Variants in SEPTIN2 observed in about 807,000 individuals in gnomAD.
The protein encoded by SEPTIN2 is septin 2, also known as septin-2.
In SEPTIN2, 34 loss-of-function variants were observed where a neutral mutation model predicts 46.5. The observed-to-expected ratio is 0.73, with a 90% CI of 0.56 to 0.97. The LOEUF (loss-of-function observed/expected upper bound fraction) is 0.97. SEPTIN2 is among the 50% of genes least tolerant of loss of function. The pLI is 0.00. For synonymous variants in SEPTIN2, 175 were observed against 153.4 expected (o/e 1.14, Z -1.04); for missense variants, 347 against 448.4 (o/e 0.77, Z 2.04).
chr2:241,330,592 G>C (rs1002589943), intron 3 of SEPTIN2, among the ~76,000 whole-genome samples: 13 of 152,290 alleles, frequency 8.5e-5, no homozygotes, highest in Admixed American at 5.2e-4. Flanking sequence ...TGATTCTGTT[G>C]GATGCAGAAT....
At chr2:241,328,791 C>T (rs1371155801) in intron 3 of SEPTIN2, among the ~76,000 whole-genome samples, 1 of 149,976 alleles carries the variant, frequency 6.7e-6, no homozygotes, top group Non-Finnish European at 1.5e-5. Flanking sequence ...GGAGGCTAGG[C>T]GGGTGGATCA....
rs556485576 is a variant in SEPTIN2, at chr2:241,324,369, A to C, written c.9+128A>C. 578 of 784,404 alleles carry C rather than the reference A, an allele frequency of 7.4e-4. 1 individual carries two copies. The highest frequency in any genetic ancestry group is 1.1e-3 in the Non-Finnish European group (527 of 475,868). The allele number at this position is 784,404 out of a possible 1,614,324, so 48.6% of individuals were successfully genotyped here. A position where few individuals can be genotyped will look rare whatever the true frequency, so the allele number is the denominator to read the frequency against. On this transcript the variant is annotated intron_variant, in intron 2 of 12. Transcript: ENST00000391971. The stretch of plus-strand genomic sequence containing the variant: ...TGATACATTTGATTCATTAACACAA[A>C]GAGTTCTAATTTAGTTGTCTTTTTT...
intron 1 of SEPTIN2, among the ~76,000 whole-genome samples, chr2:241,321,911 ATCTGACCCTTC>A (rs1351763148): frequency 6.6e-6 from 1 of 152,152 alleles, no homozygotes; most frequent in Non-Finnish European, 1.5e-5. Context: ...TCTGTATTAC[ATCTGACCCTTC>A]TCTTTCCCTT....
At chr2:241,327,521 C>T (rs964087295) in intron 3 of SEPTIN2, among the ~76,000 whole-genome samples, 6 of 132,274 alleles carry the variant, frequency 4.5e-5, no homozygotes, top group African/African-American at 1.7e-4. Context: ...AAAAAAAAAA[C>T]ATGAAAAAAT....
chr2:241,333,519 T>G (rs2079375715), intron 3 of SEPTIN2, among the ~76,000 whole-genome samples: 2 of 152,248 alleles, frequency 1.3e-5, no homozygotes, highest in South Asian at 4.1e-4. Flanking sequence ...TTGTTTTGTT[T>G]TGTTTTTTGA....
intron 3 of SEPTIN2, among the ~76,000 whole-genome samples, chr2:241,326,868 G>A (rs184748780): frequency 1.2e-4 from 19 of 152,208 alleles, no homozygotes; most frequent in Non-Finnish European, 2.1e-4. Context: ...GCAGGCAGGA[G>A]TTGAAGATCA....
At chr2:241,343,167 G>C (rs569208483) in intron 8 of SEPTIN2, 74 bp downstream of exon 8, 31 of 848,852 alleles carry the variant, frequency 3.7e-5, no homozygotes, top group Non-Finnish European at 5.9e-5. Context: ...GAGAGAGATT[G>C]CCTGGGTATG....
intron 7 of SEPTIN2, among the ~76,000 whole-genome samples, chr2:241,340,021 A>C (rs1438249052): frequency 6.6e-6 from 1 of 152,180 alleles, no homozygotes; most frequent in Non-Finnish European, 1.5e-5. Flanking sequence ...CTATCTTTTC[A>C]CAATTGTGTG....
intron 1 of SEPTIN2, chr2:241,317,368 G>A (rs909423739): frequency 5.4e-6 from 1 of 184,998 alleles, no homozygotes; most frequent in Non-Finnish European, 1.0e-5. Context: ...AAGAACAAGA[G>A]CGTTTTAATT....
chr2:241,335,464 C>T (rs1559630547), intron 4 of SEPTIN2: 2 of 946,388 alleles, frequency 2.1e-6, no homozygotes, highest in East Asian at 2.6e-5. Flanking sequence ...GTAGTTTCTG[C>T]CTATATTAAA....
intron 1 of SEPTIN2, among the ~76,000 whole-genome samples, chr2:241,323,088 T>A (rs2077388621): frequency 6.6e-6 from 1 of 152,164 alleles, no homozygotes; most frequent in Non-Finnish European, 1.5e-5. Flanking sequence ...AGATTGGTGT[T>A]GAATTTTTGG....
At position 241,322,524 on chromosome 2, in the gene SEPTIN2, G is replaced by A. The variant is rs1297567932; in HGVS notation, c.-17-1692G>A. ...CGGGAGGCTGAGGCAGGAGAAGGGC[G>A]TGAACCCAGGAGGTGGAGGTTGCAG... On this transcript the variant is annotated intron_variant, in intron 1 of 12. Coordinates refer to ENST00000391971, the MANE Select transcript of SEPTIN2 (RefSeq NM_004404.5). Among the ~76,000 whole-genome samples, 8 of 151,432 alleles carry A rather than the reference G, an allele frequency of 5.3e-5. No homozygotes were observed. In the East Asian group the frequency reaches 9.7e-4, roughly 18 times the overall value.
At chr2:241,331,295 A>G (rs770166460) in intron 3 of SEPTIN2, among the ~76,000 whole-genome samples, 5 of 152,264 alleles carry the variant, frequency 3.3e-5, no homozygotes, top group Non-Finnish European at 7.3e-5. Context: ...TGCAAGACCT[A>G]TACACTGAAA....
chr2:241,322,838 T>C (rs1451704713), intron 1 of SEPTIN2, among the ~76,000 whole-genome samples: 1 of 152,056 alleles, frequency 6.6e-6, no homozygotes, highest in Non-Finnish European at 1.5e-5. Context: ...CCTTACTCCT[T>C]GAAAGGTTTC....
Position 241,346,982 on chromosome 2 carries a change from C to A in SEPTIN2, c.926+733C>A, listed in dbSNP as rs77945212. 4.7e-3 allele frequency among the ~76,000 whole-genome samples: 711 copies of A among 152,264 alleles called. 3 individuals are homozygous for A. Among genetic ancestry groups the A allele is most frequent in the African/African-American group, 0.016 (682 of 41,546 alleles). On this transcript the variant is annotated intron_variant, in intron 10 of 12. Coordinates refer to ENST00000391971, the MANE Select transcript of SEPTIN2 (RefSeq NM_004404.5). ...ATCCTCACTCACCTTTTCTTTTTAA[C>A]CATTCTAATATGTTTTTATATAAGT...
At chr2:241,316,283 G>C in intron 1 of SEPTIN2, 1 of 474,374 alleles carries the variant, frequency 2.1e-6, no homozygotes, top group East Asian at 3.5e-5. Context: ...ACTGTCGTCG[G>C]TGCTGGGCCT....
Position 241,343,757 on chromosome 2 carries a change from C to T in SEPTIN2, c.702C>T (p.Ser234=), listed in dbSNP as rs779183522. 6.2e-7 allele frequency: 1 copy of T among 1,614,152 alleles called. No homozygotes were observed. The highest frequency in any genetic ancestry group is 8.5e-7 in the Non-Finnish European group (1 of 1,180,012). The change falls in exon 9 of 13, where the codon AGC becomes AGT. Residue 234 remains serine (S), a synonymous_variant. Coordinates refer to ENST00000391971, the MANE Select transcript of SEPTIN2 (RefSeq NM_004404.5). ...FKEQTRLLKA[S]IPFSVVGSNQ... Reference sequence around the variant, plus strand: ...CTCTGTGTGTCTCTTTCTAGGCTAGCATCCCATTCTCTGTGGTTGGATCCA... The same window carrying T: ...CTCTGTGTGTCTCTTTCTAGGCTAGTATCCCATTCTCTGTGGTTGGATCCA...
intron 2 of SEPTIN2, chr2:241,325,192 A>T (rs925253386): frequency 6.6e-6 from 1 of 152,188 alleles, no homozygotes; most frequent in African/African-American, 2.4e-5. Context: ...ATCCTAAAGG[A>T]AATACTATTT....
At chr2:241,316,386 A>G (rs922587359) in intron 1 of SEPTIN2, 9 of 959,644 alleles carry the variant, frequency 9.4e-6, no homozygotes, top group African/African-American at 5.1e-5. Flanking sequence ...TTGTGTGGCC[A>G]TCTTGTCTTT....
Sources: allele counts gnomAD v4.1 joint callset (sites outside exome capture counted in the v4.1 genomes callset), GRCh38; gene constraint gnomAD v4.1.1; transcripts MANE v1.5; gene names NCBI Gene and HGNC (gene_info 2026-07-23, HGNC 2026-07-21).